UBTD2: variants seen among roughly 807,000 people sequenced by gnomAD.
UBTD2 encodes ubiquitin domain containing 2, also known as ubiquitin domain-containing protein 2.
In UBTD2, 9 loss-of-function variants were observed where a neutral mutation model predicts 19.8. The observed-to-expected ratio is 0.46, with a 90% CI of 0.27 to 0.79. UBTD2 has a LOEUF of 0.79. Ranked by LOEUF, UBTD2 falls within the 30% of genes least tolerant of loss-of-function variation. The pLI is 0.14. For missense variants in UBTD2, 250 were observed against 300.4 expected (o/e 0.83, Z 1.24); for synonymous variants, 98 against 103.9 (o/e 0.94, Z 0.35).
At chr5:172,269,990 T>C (rs1755452552) in intron 1 of UBTD2, among the ~76,000 whole-genome samples, 1 of 151,536 alleles carries the variant, frequency 6.6e-6, no homozygotes, top group African/African-American at 2.4e-5. Context: ...GGCAGGAGAA[T>C]TGCTTGAACC....
chr5:172,251,157 CAA>C (rs78381770), intron 1 of UBTD2, among the ~76,000 whole-genome samples: 1 of 136,842 alleles, frequency 7.3e-6, no homozygotes, highest in Non-Finnish European at 1.6e-5. Context: ...ACTAAAAATA[CAA>C]AAAAAAAAAA....
intron 1 of UBTD2, among the ~76,000 whole-genome samples, chr5:172,266,090 C>T (rs1013048569): frequency 6.6e-6 from 1 of 152,022 alleles, no homozygotes. Flanking sequence ...TGTGCCACCA[C>T]ACCCGGCTAA....
At chr5:172,219,199 C>T (rs1040670335) in intron 2 of UBTD2, among the ~76,000 whole-genome samples, 4 of 152,200 alleles carry the variant, frequency 2.6e-5, no homozygotes, top group East Asian at 3.8e-4. Flanking sequence ...TAAATTCTAT[C>T]AAACATTTCA....
At chr5:172,258,603 G>A (rs1290325816) in intron 1 of UBTD2, among the ~76,000 whole-genome samples, 1 of 152,150 alleles carries the variant, frequency 6.6e-6, no homozygotes, top group African/African-American at 2.4e-5. Context: ...TCCTCTCCAT[G>A]AGCATTTGTT....
chr5:172,225,818 G>C (rs935751373), intron 2 of UBTD2, among the ~76,000 whole-genome samples: 2 of 152,124 alleles, frequency 1.3e-5, no homozygotes, highest in Admixed American at 1.3e-4. Context: ...ATGAAAGAAA[G>C]GGGCAATGTT....
intron 1 of UBTD2, among the ~76,000 whole-genome samples, chr5:172,251,089 C>A (rs535416968): frequency 1.4e-4 from 21 of 151,240 alleles, no homozygotes; most frequent in East Asian, 3.9e-4. Context: ...CCGAGGCGGG[C>A]GGATCACGAG....
chr5:172,214,915 A>T (rs1453882789), intron 2 of UBTD2, among the ~76,000 whole-genome samples: 3 of 152,190 alleles, frequency 2.0e-5, no homozygotes, highest in Non-Finnish European at 4.4e-5. Flanking sequence ...GGCTGAGCAA[A>T]CTGAAAAATC....
intron 1 of UBTD2, among the ~76,000 whole-genome samples, chr5:172,280,453 T>C (rs1447307105): frequency 7.1e-6 from 1 of 140,964 alleles, no homozygotes; most frequent in Non-Finnish European, 1.5e-5. Flanking sequence ...GAGGCTGCAG[T>C]GAGCAGAGAT....
chr5:172,283,571 A>G lies in UBTD2; in HGVS notation c.70+25T>C. ...CCTGGCCGGGAACAATGGGGGGCCG[A>G]GGCTGCCCCCTGGCGCTCACCTACC... On this transcript the variant is annotated intron_variant, in intron 1 of 2. Coordinates refer to ENST00000393792, the MANE Select transcript of UBTD2 (RefSeq NM_152277.3). This position sits in a 1 kb window ranked among gnomAD's most constrained non-coding sequence, Gnocchi z 4.3. 1 of 1,292,936 alleles carries G rather than the reference A, an allele frequency of 7.7e-7. No individual in the cohort carries two copies. Among genetic ancestry groups the G allele is most frequent in the East Asian group, 3.1e-5 (1 of 32,072 alleles). The allele number at this position is 1,292,936 out of a possible 1,614,324, so 80.1% of individuals were successfully genotyped here. A position where few individuals can be genotyped will look rare whatever the true frequency, so the allele number is the denominator to read the frequency against.
intron 1 of UBTD2, among the ~76,000 whole-genome samples, chr5:172,249,120 G>T (rs913841833): frequency 1.3e-5 from 2 of 152,004 alleles, no homozygotes; most frequent in Admixed American, 1.3e-4. Flanking sequence ...TAGTGGGGCC[G>T]GGTGCAGTGG....
At chr5:172,214,382 T>C (rs1260357144) in intron 2 of UBTD2, among the ~76,000 whole-genome samples, 6 of 152,170 alleles carry the variant, frequency 3.9e-5, no homozygotes, top group Admixed American at 2.6e-4. Context: ...GATAGCTTAG[T>C]TGGAAAGCAG....
intron 2 of UBTD2, among the ~76,000 whole-genome samples, chr5:172,221,589 G>A (rs1189597620): frequency 6.6e-6 from 1 of 152,166 alleles, no homozygotes; most frequent in Non-Finnish European, 1.5e-5. Context: ...ACTGAAAGAA[G>A]ATAGTGTGAT....
chr5:172,257,447 C>G (rs544652728), intron 1 of UBTD2, among the ~76,000 whole-genome samples: 1 of 152,296 alleles, frequency 6.6e-6, no homozygotes, highest in South Asian at 2.1e-4. Context: ...GATAAACATC[C>G]ACACATATGA....
chr5:172,274,158 T>G (rs956691450), intron 1 of UBTD2, among the ~76,000 whole-genome samples: 1 of 98,808 alleles, frequency 1.0e-5, no homozygotes, highest in East Asian at 3.0e-4. Context: ...TTTTTTTTTT[T>G]GAGACGGAGC....
intron 1 of UBTD2, among the ~76,000 whole-genome samples, chr5:172,249,314 G>A (rs559353536): frequency 3.6e-4 from 52 of 144,918 alleles, no homozygotes; most frequent in Non-Finnish European, 7.0e-4. Context: ...CAGGAGAATC[G>A]CTTGAACCCA....
intron 1 of UBTD2, among the ~76,000 whole-genome samples, chr5:172,265,927 G>GTTTT (rs200089104): frequency 6.8e-6 from 1 of 146,120 alleles, no homozygotes; most frequent in African/African-American, 2.5e-5. Flanking sequence ...ACCACCCATT[G>GTTTT]TTTTTTTTTT....
In UBTD2 at chr5:172,210,731, C is replaced by G. The variant is rs1247250823; in HGVS notation, c.*1099G>C. ...TAATGTTTATGTGACACCAGTAAAT[C>G]TTTCACACTTAAAAATTTTGAGTTG... On this transcript the variant is annotated 3_prime_UTR_variant, in exon 3 of 3. Transcript: ENST00000393792. 1 of 152,104 alleles carries G rather than the reference C, an allele frequency of 6.6e-6. No homozygotes were observed. The highest frequency in any genetic ancestry group is 1.5e-5 in the Non-Finnish European group (1 of 68,032). 9.4% of individuals were successfully genotyped at this position (152,104 alleles called of 1,614,324 possible). A position where few individuals can be genotyped will look rare whatever the true frequency, so the allele number is the denominator to read the frequency against.
chr5:172,238,901 C>T (rs1181526058), intron 1 of UBTD2, among the ~76,000 whole-genome samples: 1 of 152,120 alleles, frequency 6.6e-6, no homozygotes, highest in African/African-American at 2.4e-5. Context: ...AAACTGGAAG[C>T]ATCAGTTTCC....
At chr5:172,231,283 T>C (rs9332410) in intron 2 of UBTD2, among the ~76,000 whole-genome samples, 60,626 of 152,040 alleles carry the variant, frequency 0.4, 12,278 homozygotes, top group South Asian at 0.54. Flanking sequence ...ATCAAGGGCA[T>C]CAGTGACAAT....
Sources: gnomAD v4.1 joint callset for allele counts (sites outside exome capture counted in the v4.1 genomes callset) on GRCh38, gnomAD v4.1.1 for gene constraint, Gnocchi (gnomAD v3.1) non-coding constraint, MANE v1.5 for transcripts, NCBI Gene and HGNC (gene_info 2026-07-23, HGNC 2026-07-21) for gene names.